Variants in RBM47 observed in about 807,000 individuals in gnomAD.
RBM47 encodes RNA-binding protein 47.
A neutral mutation model predicts 47.1 loss-of-function variants in RBM47; 21 were observed. That is an observed-to-expected ratio of 0.45 (90% CI 0.32 to 0.64). The LOEUF (loss-of-function observed/expected upper bound fraction) is 0.64, where lower values mean the gene tolerates loss of function less well. Among genes scored for constraint, RBM47 ranks in the 30% least tolerant of loss-of-function variants. The probability of loss-of-function intolerance (pLI) is 0.05; values close to 1 mark genes in which losing one functional copy is unlikely to be tolerated. For missense variants in RBM47, 708 were observed against 870.9 expected, an observed-to-expected ratio of 0.81 and a Z score of 2.35; for synonymous variants, 375 against 361.7, an observed-to-expected ratio of 1.04 and a Z score of -0.42.
chr4:40,460,981 T>TA (rs1258981830), intron 3 of RBM47, among the ~76,000 whole-genome samples: 3 of 151,822 alleles, frequency 2.0e-5, no homozygotes, highest in African/African-American at 7.3e-5. Context: ...ACTAGGCAGT[T>TA]AGAGACAATT....
intron 2 of RBM47, among the ~76,000 whole-genome samples, chr4:40,476,218 A>G (rs563032175): frequency 6.6e-6 from 1 of 152,144 alleles, no homozygotes; most frequent in Non-Finnish European, 1.5e-5. Flanking sequence ...TGTTTAGAAA[A>G]GCTCCTGGCA....
At position 40,465,059 on chromosome 4, in the gene RBM47, A is replaced by G. The variant is rs572134935; in HGVS notation, c.-32+1518T>C. On this transcript the variant is annotated intron_variant, in intron 3 of 6. Coordinates refer to ENST00000295971, the MANE Select transcript of RBM47 (RefSeq NM_001098634.2). ...TTTCCTTCCATTAGTATACTTTTAT[A>G]AGAAGAAAAAAATTACAATTAAAAA... Among the ~76,000 whole-genome samples the G allele has an allele frequency of 3.3e-5, 5 of 152,136 alleles. No individual in the cohort carries two copies. In the South Asian group the frequency reaches 1.0e-3, roughly 32 times the overall value.
chr4:40,589,893 A>G (rs1733968304), intron 1 of RBM47, among the ~76,000 whole-genome samples: 1 of 152,242 alleles, frequency 6.6e-6, no homozygotes, highest in Non-Finnish European at 1.5e-5. Context: ...AAAGGCAATG[A>G]GACAGGCGGC....
chr4:40,628,030 C>T lies in RBM47; in HGVS notation c.-240+1366G>A, dbSNP rs1414462735. 6.6e-6 allele frequency among the ~76,000 whole-genome samples: 1 copy of T among 152,254 alleles called. No homozygotes were observed. Among genetic ancestry groups the T allele is most frequent in the Admixed American group, 6.5e-5 (1 of 15,284 alleles). On this transcript the variant is annotated intron_variant, in intron 1 of 6. Coordinates refer to ENST00000295971, the MANE Select transcript of RBM47 (RefSeq NM_001098634.2). The surrounding 1 kb of genome is among the most constrained non-coding windows in gnomAD (Gnocchi z 4.0). ...TGATCTAATTAATTTAAAGCATGGCCTACCTAGCCAGGTAAAGGACGGCAC... is the reference window on the plus strand; with the variant it reads ...TGATCTAATTAATTTAAAGCATGGCTTACCTAGCCAGGTAAAGGACGGCAC...
chr4:40,536,551 T>C (rs951655268), intron 2 of RBM47, among the ~76,000 whole-genome samples: 1 of 152,226 alleles, frequency 6.6e-6, no homozygotes, highest in African/African-American at 2.4e-5. Context: ...ACTTTGTTGA[T>C]GCCCACAATT....
At chr4:40,473,651 TG>T (rs1417988002) in intron 2 of RBM47, among the ~76,000 whole-genome samples, 2 of 152,354 alleles carry the variant, frequency 1.3e-5, no homozygotes, top group East Asian at 1.9e-4. Context: ...ATAAATATCA[TG>T]GGCTCAGAAA....
intron 1 of RBM47, among the ~76,000 whole-genome samples, chr4:40,599,778 T>A (rs1383790288): frequency 6.7e-6 from 1 of 150,288 alleles, no homozygotes; most frequent in Non-Finnish European, 1.5e-5. Context: ...TAGCCACAAG[T>A]TGAATACTAC....
In RBM47 at chr4:40,496,357, CA is replaced by C. The variant is rs1560419534; in HGVS notation, c.-154-29659del. Among the ~76,000 whole-genome samples the C allele has an allele frequency of 5.8e-3, 646 of 111,398 alleles. 3 individuals are homozygous for C. The highest frequency in any genetic ancestry group is 0.021 in the African/African-American group (598 of 28,122). The allele number at this position is 111,398 out of a possible 152,430, so 73.1% of individuals were successfully genotyped here. A position where few individuals can be genotyped will look rare whatever the true frequency, so the allele number is the denominator to read the frequency against. Reference sequence around the variant, plus strand: ...ACACACACACACACACACACACACACACACACAAAGAGAGAAAAACCTAGAA... The same window carrying C: ...ACACACACACACACACACACACACACCACACAAAGAGAGAAAAACCTAGAA... On this transcript the variant is annotated intron_variant, in intron 2 of 6. Transcript: ENST00000295971.
intron 1 of RBM47, among the ~76,000 whole-genome samples, chr4:40,617,426 G>A (rs944211407): frequency 2.4e-4 from 36 of 152,044 alleles, no homozygotes; most frequent in African/African-American, 8.2e-4. Context: ...GGGCATAGTG[G>A]TGCGTGCCTG....
At chr4:40,465,231 A>C (rs962884869) in intron 3 of RBM47, among the ~76,000 whole-genome samples, 8 of 152,136 alleles carry the variant, frequency 5.3e-5, no homozygotes, top group Non-Finnish European at 1.0e-4. Context: ...ACCAATATCT[A>C]CTGCCTCCAC....
intron 1 of RBM47, among the ~76,000 whole-genome samples, chr4:40,577,200 A>T (rs942514355): frequency 2.6e-5 from 4 of 152,144 alleles, no homozygotes; most frequent in African/African-American, 9.7e-5. Context: ...GCCTTCCTGG[A>T]GTGCTGAGCC....
At chr4:40,498,634 T>C (rs1046251769) in intron 2 of RBM47, among the ~76,000 whole-genome samples, 12 of 142,074 alleles carry the variant, frequency 8.4e-5, no homozygotes, top group Admixed American at 5.9e-4. Context: ...TATTGCGCCA[T>C]TGCACTCCAG....
At chr4:40,479,498 G>T (rs1229740189) in intron 2 of RBM47, among the ~76,000 whole-genome samples, 1 of 152,080 alleles carries the variant, frequency 6.6e-6, no homozygotes, top group Non-Finnish European at 1.5e-5. Flanking sequence ...AGCTACTCGG[G>T]AAAATTGCTT....
At chr4:40,496,829 C>G (rs1722660257) in intron 2 of RBM47, among the ~76,000 whole-genome samples, 1 of 151,952 alleles carries the variant, frequency 6.6e-6, no homozygotes, top group Admixed American at 6.6e-5. Context: ...CACCTGAGGT[C>G]AGGAGTTCGA....
intron 1 of RBM47, among the ~76,000 whole-genome samples, chr4:40,606,211 A>AAAAG (rs537048671): frequency 1.3e-5 from 2 of 151,992 alleles, no homozygotes; most frequent in South Asian, 2.1e-4. Context: ...AAAAAAACAA[A>AAAAG]AAAGAAAGAA....
At chr4:40,588,777 G>A (rs1231975980) in intron 1 of RBM47, among the ~76,000 whole-genome samples, 1 of 152,030 alleles carries the variant, frequency 6.6e-6, no homozygotes, top group Non-Finnish European at 1.5e-5. Context: ...GCCCAAGGGA[G>A]GAGACTGCAT....
intron 5 of RBM47, among the ~76,000 whole-genome samples, chr4:40,434,002 G>GGGGGGGTGT (rs1213913858): frequency 2.2e-5 from 1 of 45,708 alleles, no homozygotes; most frequent in African/African-American, 5.2e-5. Context: ...GTGGGGCGGG[G>GGGGGGGTGT]GTGTGTGTGT....
intron 6 of RBM47, among the ~76,000 whole-genome samples, chr4:40,431,369 A>T (rs1347338781): frequency 6.6e-6 from 1 of 151,982 alleles, no homozygotes; most frequent in Non-Finnish European, 1.5e-5. Context: ...CAAGAGAGAA[A>T]ATTTCATGGC....
chr4:40,569,020 C>T (rs34029231), intron 1 of RBM47, among the ~76,000 whole-genome samples: 17,458 of 114,738 alleles, frequency 0.15, 1,746 homozygotes, highest in African/African-American at 0.33. Flanking sequence ...GATAGATAGA[C>T]AGACAGACAG....
Sources: allele counts gnomAD v4.1 joint callset (sites outside exome capture counted in the v4.1 genomes callset), GRCh38; gene constraint gnomAD v4.1.1; non-coding constraint Gnocchi (gnomAD v3.1); transcripts MANE v1.5; gene names NCBI Gene and HGNC (gene_info 2026-07-23, HGNC 2026-07-21).